The following GREB1L variants were observed in gnomAD, a reference collection of about 807,000 sequenced individuals.
The protein encoded by GREB1L is GREB1-like protein.
GREB1L carries 17 observed loss-of-function variants against 200.8 expected under a neutral mutation model. That is an observed-to-expected ratio of 0.08 (90% CI 0.06 to 0.13). The LOEUF (loss-of-function observed/expected upper bound fraction) is 0.13. Among genes scored for constraint, GREB1L ranks in the 10% least tolerant of loss-of-function variants. GREB1L has a pLI of 1.00. For missense variants in GREB1L, 1,657 were observed against 2,367.7 expected, an observed-to-expected ratio of 0.70 and a Z score of 6.23; for synonymous variants, 789 against 893.0, an observed-to-expected ratio of 0.88 and a Z score of 2.08.
At chr18:21,379,670 T>A (rs1206496266) in intron 2 of GREB1L, among the ~76,000 whole-genome samples, 1 of 152,238 alleles carries the variant, frequency 6.6e-6, no homozygotes, top group Non-Finnish European at 1.5e-5. Context: ...AACTCTGTGC[T>A]AGTTCCTGGT....
chr18:21,288,883 G>T lies in GREB1L; in HGVS notation c.-120+46490G>T, dbSNP rs376661273. ...CTCCTGAGCAGCTGGGATTACAGGC[G>T]CCCACCACCACGCCCAGCTAATTTT... On this transcript the variant is annotated intron_variant, in intron 1 of 32. Transcript: ENST00000424526. Among the ~76,000 whole-genome samples the T allele has an allele frequency of 6.6e-4, 101 of 152,022 alleles. No individual in the cohort carries two copies. The Middle Eastern group carries it at 0.014, about 20-fold the overall frequency.
At chr18:21,388,580 C>A (rs1468637866) in intron 4 of GREB1L, among the ~76,000 whole-genome samples, 2 of 127,056 alleles carry the variant, frequency 1.6e-5, no homozygotes, top group African/African-American at 5.6e-5. Context: ...CTTGCTCTAT[C>A]GCCCAGGCTG....
intron 29 of GREB1L, 91 bp from the exon 30 acceptor site, chr18:21,516,522 A>G (rs1568078983): frequency 2.4e-6 from 3 of 1,264,748 alleles, no homozygotes; most frequent in Admixed American, 4.6e-5. Flanking sequence ...TTAGGCTCCT[A>G]ATATCTTGCC....
At position 21,515,254 on chromosome 18, in the gene GREB1L, G is replaced by A. The variant is rs141026349; in HGVS notation, c.4902-163G>A. 5.1e-3 allele frequency among the ~76,000 whole-genome samples: 778 copies of A among 152,288 alleles called. 13 individuals are homozygous for A. The highest frequency in any genetic ancestry group is 3.2e-3 in the Non-Finnish European group (218 of 68,020). On this transcript the variant is annotated intron_variant, in intron 28 of 32. Coordinates refer to ENST00000424526, the MANE Select transcript of GREB1L (RefSeq NM_001142966.3). ...TTTCTTTATAATAGTGACAGGCAGT[G>A]TGAAAACTGGGCTTGACATTCTTCT...
At chr18:21,415,352 A>G (rs2031524558) in intron 7 of GREB1L, among the ~76,000 whole-genome samples, 1 of 152,156 alleles carries the variant, frequency 6.6e-6, no homozygotes, top group Non-Finnish European at 1.5e-5. Flanking sequence ...ATGCCTCTAC[A>G]AAACAATAAA....
At chr18:21,456,276 CAG>C (rs998607141) in intron 15 of GREB1L, among the ~76,000 whole-genome samples, 1 of 152,130 alleles carries the variant, frequency 6.6e-6, no homozygotes, top group African/African-American at 2.4e-5. Flanking sequence ...TAGCATGGCT[CAG>C]TGAGAAATCT....
intron 4 of GREB1L, among the ~76,000 whole-genome samples, chr18:21,392,970 G>A (rs1443029196): frequency 1.3e-5 from 2 of 151,902 alleles, no homozygotes; most frequent in Non-Finnish European, 2.9e-5. Context: ...ATGGGGTTTC[G>A]CCCTGTTGCC....
chr18:21,268,582 T>C (rs1276976363), intron 1 of GREB1L, among the ~76,000 whole-genome samples: 7 of 129,884 alleles, frequency 5.4e-5, no homozygotes, highest in Non-Finnish European at 7.8e-5. Flanking sequence ...TATATATATA[T>C]ATATATATAT....
chr18:21,252,184 A>G (rs1425384583), intron 1 of GREB1L, among the ~76,000 whole-genome samples: 2 of 152,224 alleles, frequency 1.3e-5, no homozygotes, highest in African/African-American at 4.8e-5. Flanking sequence ...TGATATTACT[A>G]TAGAACTTTA....
chr18:21,343,730 ATTT>A (rs36120644), intron 1 of GREB1L, among the ~76,000 whole-genome samples: 10 of 114,934 alleles, frequency 8.7e-5, no homozygotes, highest in African/African-American at 1.0e-4. Flanking sequence ...GAGAAGAGAG[ATTT>A]TTTTTTTTTT....
At chr18:21,277,634 T>C (rs2038190750) in intron 1 of GREB1L, among the ~76,000 whole-genome samples, 1 of 152,106 alleles carries the variant, frequency 6.6e-6, no homozygotes, top group African/African-American at 2.4e-5. Flanking sequence ...AACTCCTCCA[T>C]TAAGTGCCTA....
intron 7 of GREB1L, among the ~76,000 whole-genome samples, chr18:21,429,562 C>T (rs371187985): frequency 6.6e-6 from 1 of 151,902 alleles, no homozygotes; most frequent in African/African-American, 2.4e-5. Context: ...TTGGGAAATG[C>T]TCCTCCTTCT....
At chr18:21,452,451 A>ACTCTC (rs2034572225) in intron 14 of GREB1L, 1 of 469,550 alleles carries the variant, frequency 2.1e-6, no homozygotes, top group Non-Finnish European at 3.7e-6. Context: ...CAAAGACTTT[A>ACTCTC]TCTTAAGCAC....
chr18:21,327,879 A>AT (rs890774349), intron 1 of GREB1L, among the ~76,000 whole-genome samples: 3 of 151,262 alleles, frequency 2.0e-5, no homozygotes, highest in African/African-American at 7.3e-5. Context: ...TGCCCGGTTA[A>AT]TTTTTTTTGT....
intron 13 of GREB1L, chr18:21,451,391 C>G (rs1356892151): frequency 2.2e-5 from 7 of 317,088 alleles, no homozygotes; most frequent in Non-Finnish European, 4.0e-5. Context: ...GTTGAGTGAC[C>G]TTGGGCGAGT....
chr18:21,322,554 C>G (rs1442162692), intron 1 of GREB1L, among the ~76,000 whole-genome samples: 5 of 151,936 alleles, frequency 3.3e-5, no homozygotes, highest in African/African-American at 4.8e-5. Context: ...ATAAAGTGAA[C>G]CAGAAAAATT....
At chr18:21,507,433 A>G (rs1652559731) in intron 25 of GREB1L, among the ~76,000 whole-genome samples, 1 of 152,218 alleles carries the variant, frequency 6.6e-6, no homozygotes, top group Non-Finnish European at 1.5e-5. Context: ...GCTGATGAAA[A>G]TTGATGGTAT....
intron 1 of GREB1L, among the ~76,000 whole-genome samples, chr18:21,306,392 A>G (rs2144743811): frequency 6.6e-6 from 1 of 152,316 alleles, no homozygotes; most frequent in East Asian, 1.9e-4. Flanking sequence ...CTGGTTATTC[A>G]ATCAATTTGT....
intron 14 of GREB1L, among the ~76,000 whole-genome samples, chr18:21,453,883 A>G (rs2145462921): frequency 6.6e-6 from 1 of 152,300 alleles, no homozygotes; most frequent in South Asian, 2.1e-4. Context: ...GGAAATATTT[A>G]CTGTAGTGCC....
Sources: allele counts gnomAD v4.1 joint callset (sites outside exome capture counted in the v4.1 genomes callset), GRCh38; gene constraint gnomAD v4.1.1; transcripts MANE v1.5; gene names NCBI Gene and HGNC (gene_info 2026-07-23, HGNC 2026-07-21).